Variants in BUB1B observed in about 807,000 individuals in gnomAD.
BUB1B encodes BUB1 mitotic checkpoint serine/threonine kinase B.
In BUB1B, 86 loss-of-function variants were observed where a neutral mutation model predicts 137.7. The ratio of observed to expected loss-of-function variants is 0.62; its 90% CI spans 0.52 to 0.75. BUB1B has a LOEUF of 0.75. Among genes scored for constraint, BUB1B ranks in the 30% least tolerant of loss-of-function variants. BUB1B has a pLI of 0.00. For missense variants in BUB1B, 1,130 were observed against 1,236.9 expected, an observed-to-expected ratio of 0.91 and a Z score of 1.30; for synonymous variants, 420 against 417.9, an observed-to-expected ratio of 1.00 and a Z score of -0.06.
chr15:40,207,848 G>GCAA (rs2037656223), intron 15 of BUB1B, among the ~76,000 whole-genome samples: 1 of 150,262 alleles, frequency 6.7e-6, no homozygotes, highest in African/African-American at 2.5e-5. Context: ...ACCAGCCTGG[G>GCAA]CAACAAAGTG....
chr15:40,185,131 A>G (rs2037343319), intron 6 of BUB1B, 34 bp from the exon 7 acceptor site: 1 of 1,562,496 alleles, frequency 6.4e-7, no homozygotes, highest in Non-Finnish European at 8.8e-7. Flanking sequence ...ATAATGAAAC[A>G]TTTTACATGA....
chr15:40,200,382 G>A (rs886134072), intron 11 of BUB1B, 23 bp downstream of exon 11: 1 of 1,580,856 alleles, frequency 6.3e-7, no homozygotes, highest in African/African-American at 1.4e-5. Flanking sequence ...AGGTGGAAGG[G>A]ACAATGCATA....
At chr15:40,214,692 C>T (rs765958155) in intron 20 of BUB1B, among the ~76,000 whole-genome samples, 2 of 152,242 alleles carry the variant, frequency 1.3e-5, no homozygotes, top group Non-Finnish European at 2.9e-5. Context: ...ATCCCACCTT[C>T]TCCCCTGAGA....
rs2037150605 is a variant in BUB1B at position 40,170,607 on chromosome 15, A to G, written c.310A>G (p.Arg104Gly). ...KESNMSTLLE[R>G]AVEALQGEKR... ...GAGTAATATGTCAACGTTATTAGAAAGAGCTGTAGAAGCACTACAAGGAGA... is the reference window on the plus strand; with the variant it reads ...GAGTAATATGTCAACGTTATTAGAAGGAGCTGTAGAAGCACTACAAGGAGA... The change falls in exon 4 of 23, where the codon AGA (arginine) becomes GGA (glycine). Residue 104 changes from arginine (R) to glycine (G), a missense_variant. Physicochemically the swap from Arg to Gly is moderately radical, Grantham distance 125. Transcript: ENST00000287598. 2.5e-6 allele frequency: 4 copies of G among 1,613,040 alleles called. No individual in the cohort carries two copies. The highest frequency in any genetic ancestry group is 1.1e-5 in the South Asian group (1 of 91,082).
intron 2 of BUB1B, among the ~76,000 whole-genome samples, chr15:40,169,763 G>A: frequency 6.6e-6 from 1 of 151,414 alleles, no homozygotes; most frequent in Non-Finnish European, 1.5e-5. Flanking sequence ...CAGGTGCTTG[G>A]CACCACACCC....
rs780276554 is a variant in BUB1B, at chr15:40,209,662, C to G, written c.2171C>G (p.Ser724Ter). 1.9e-6 allele frequency: 3 copies of G among 1,614,080 alleles called. No homozygotes were observed. The highest frequency in any genetic ancestry group is 2.5e-6 in the Non-Finnish European group (3 of 1,180,000). The stretch of plus-strand genomic sequence containing the variant: ...AACCCTACTCAGTCACCATGGTGTT[C>G]ACAGTATCGCAGACAGCTACTGAAG... ...SENPTQSPWC[S>*]QYRRQLLKSL... Residue 724 changes from serine to a stop codon, truncating the protein, a stop_gained, in exon 17 of 23, where the codon TCA (serine) becomes TGA (stop). Transcript: ENST00000287598. LOFTEE classifies it high-confidence loss of function.
At chr15:40,188,482 C>T (rs368984827) in intron 8 of BUB1B, among the ~76,000 whole-genome samples, 31 of 152,050 alleles carry the variant, frequency 2.0e-4, no homozygotes, top group Middle Eastern at 3.4e-3. Flanking sequence ...ATCTATAATA[C>T]GAGTTGCAAA....
intron 9 of BUB1B, 96 bp from the exon 10 acceptor site, chr15:40,199,519 G>A (rs2037537867): frequency 1.2e-6 from 1 of 867,086 alleles, no homozygotes; most frequent in Non-Finnish European, 1.9e-6. Flanking sequence ...ATCTGTATTA[G>A]TAACATATAT....
chr15:40,199,059 T>C (rs939679206), intron 9 of BUB1B, among the ~76,000 whole-genome samples: 19 of 152,342 alleles, frequency 1.2e-4, no homozygotes, highest in Admixed American at 1.0e-3. Flanking sequence ...TTTTCCTGCA[T>C]TGGGGCCTTT....
chr15:40,215,386 TGCTTGAACTCAGGAGG>T (rs1339651545), intron 20 of BUB1B, among the ~76,000 whole-genome samples: 2 of 151,232 alleles, frequency 1.3e-5, no homozygotes, highest in Admixed American at 1.3e-4. Flanking sequence ...GAAGGAGAAT[TGCTTGAACTCAGGAGG>T]CAGAGGTTGT....
chr15:40,210,576 C>T (rs2037698220), intron 18 of BUB1B, among the ~76,000 whole-genome samples: 1 of 152,156 alleles, frequency 6.6e-6, no homozygotes, highest in African/African-American at 2.4e-5. Flanking sequence ...GTAGCATGAT[C>T]ACGGCTCACT....
intron 5 of BUB1B, among the ~76,000 whole-genome samples, chr15:40,180,871 A>G (rs371037810): frequency 1.8e-4 from 26 of 145,140 alleles, no homozygotes; most frequent in African/African-American, 3.3e-4. Flanking sequence ...GATGGTCTCA[A>G]TCTCCTGATC....
intron 2 of BUB1B, chr15:40,166,414 A>G (rs1447617051): frequency 4.9e-6 from 2 of 410,282 alleles, no homozygotes; most frequent in East Asian, 1.7e-4. Context: ...ATCTTGGCTC[A>G]CTGGAAGCTC....
chr15:40,186,725 G>C (rs548665845), intron 8 of BUB1B, among the ~76,000 whole-genome samples: 1 of 151,366 alleles, frequency 6.6e-6, no homozygotes, highest in South Asian at 2.1e-4. Flanking sequence ...AATTACAGGC[G>C]TGAGCCACTG....
At chr15:40,161,367 A>C in intron 1 of BUB1B, 112 bp downstream of exon 1, 1 of 1,228,018 alleles carries the variant, frequency 8.1e-7, no homozygotes, top group Non-Finnish European at 1.1e-6. Context: ...GTCAGAACAG[A>C]CCCCACCGGA....
intron 8 of BUB1B, among the ~76,000 whole-genome samples, chr15:40,192,332 A>G (rs540237502): frequency 4.5e-4 from 68 of 152,282 alleles, no homozygotes; most frequent in Non-Finnish European, 9.3e-4. Context: ...TTTTCCTATT[A>G]CTAACATCAT....
At chr15:40,190,488 C>T (rs1038596261) in intron 8 of BUB1B, among the ~76,000 whole-genome samples, 13 of 152,040 alleles carry the variant, frequency 8.6e-5, no homozygotes, top group African/African-American at 3.1e-4. Context: ...GTGGCACATG[C>T]CTATGGTTTC....
At chr15:40,190,911 C>T (rs1046973756) in intron 8 of BUB1B, among the ~76,000 whole-genome samples, 11 of 149,418 alleles carry the variant, frequency 7.4e-5, no homozygotes, top group South Asian at 2.1e-4. Flanking sequence ...TTTTTGAGAC[C>T]GAGTCTCACT....
At chr15:40,173,008 G>A (rs2037181756) in intron 4 of BUB1B, among the ~76,000 whole-genome samples, 1 of 152,084 alleles carries the variant, frequency 6.6e-6, no homozygotes, top group Admixed American at 6.5e-5. Flanking sequence ...GGGTGTGGTG[G>A]CTCCCACCTG....
Sources: gnomAD v4.1 joint callset for allele counts (sites outside exome capture counted in the v4.1 genomes callset) on GRCh38, gnomAD v4.1.1 for gene constraint, MANE v1.5 for transcripts, NCBI Gene and HGNC (gene_info 2026-07-23, HGNC 2026-07-21) for gene names.